CDH13: variants seen among roughly 807,000 people sequenced by gnomAD.
CDH13 encodes cadherin-13.
CDH13 carries 24 observed loss-of-function variants against 63.8 expected under a neutral mutation model. That is an observed-to-expected ratio of 0.38 (90% CI 0.27 to 0.53). CDH13 has a LOEUF of 0.53. Ranked by LOEUF, CDH13 falls within the 20% of genes least tolerant of loss-of-function variation. The pLI, the probability that CDH13 is intolerant of heterozygous loss-of-function variation, is 0.85. For synonymous variants in CDH13, 503 were observed against 355.3 expected, an observed-to-expected ratio of 1.42 and a Z score of -4.67; for missense variants, 1,049 against 903.1, an observed-to-expected ratio of 1.16 and a Z score of -2.07.
chr16:82,645,955 T>G (rs753003176), intron 1 of CDH13, among the ~76,000 whole-genome samples: 1 of 152,226 alleles, frequency 6.6e-6, no homozygotes, highest in Non-Finnish European at 1.5e-5. Context: ...GCCTAAACTT[T>G]TGGGGGTTAT....
intron 1 of CDH13, among the ~76,000 whole-genome samples, chr16:82,752,278 C>T (rs1215476094): frequency 6.6e-6 from 1 of 152,168 alleles, no homozygotes; most frequent in African/African-American, 2.4e-5. Context: ...TTTCTCCGGA[C>T]TGTTAACTTC....
intron 4 of CDH13, among the ~76,000 whole-genome samples, chr16:83,164,712 C>T (rs1247509356): frequency 7.2e-6 from 1 of 138,110 alleles, no homozygotes; most frequent in African/African-American, 3.0e-5. Context: ...AAGAGCGAGA[C>T]TCTGTCTCAA....
chr16:83,276,653 G>A (rs780166574), intron 5 of CDH13, among the ~76,000 whole-genome samples: 7 of 152,158 alleles, frequency 4.6e-5, no homozygotes, highest in South Asian at 2.1e-4. Context: ...GGAGGATCAC[G>A]AGTTCGGGAG....
intron 8 of CDH13, among the ~76,000 whole-genome samples, chr16:83,644,459 G>A (rs1019693078): frequency 6.6e-6 from 1 of 152,190 alleles, no homozygotes; most frequent in Non-Finnish European, 1.5e-5. Flanking sequence ...GTACATATAT[G>A]AAAGTCTTTG....
chr16:83,053,856 G>A (rs547662596), intron 3 of CDH13, among the ~76,000 whole-genome samples: 2 of 152,072 alleles, frequency 1.3e-5, no homozygotes, highest in African/African-American at 2.4e-5. Context: ...GACCCCGACC[G>A]GGTACCTGAA....
At chr16:83,473,562 G>T (rs1009798128) in intron 6 of CDH13, among the ~76,000 whole-genome samples, 2 of 152,106 alleles carry the variant, frequency 1.3e-5, no homozygotes, top group African/African-American at 4.8e-5. Flanking sequence ...CATCTGTCCT[G>T]CACTACAACT....
rs1038044463 is a variant in CDH13 at position 83,499,960 on chromosome 16, G to A, written c.960+13305G>A. On this transcript the variant is annotated intron_variant, in intron 7 of 13. Transcript: ENST00000567109. ...TGGGATTACAGGCGCCTGCCACCAC[G>A]CGCAGCTAATTTTTGTATTTTTAGT... 2.6e-4 allele frequency among the ~76,000 whole-genome samples: 39 copies of A among 152,064 alleles called. 1 individual carries two copies. The highest frequency in any genetic ancestry group is 8.8e-5 in the Non-Finnish European group (6 of 67,966).
chr16:82,988,778 A>C (rs1377448131), intron 2 of CDH13, among the ~76,000 whole-genome samples: 1 of 147,112 alleles, frequency 6.8e-6, no homozygotes, highest in Non-Finnish European at 1.5e-5. Context: ...AAAAAAAAAA[A>C]TGCGAGTAAT....
intron 4 of CDH13, among the ~76,000 whole-genome samples, chr16:83,210,331 CT>C (rs2039305142): frequency 6.6e-6 from 1 of 151,968 alleles, no homozygotes; most frequent in African/African-American, 2.4e-5. Context: ...TCCCAAAGTG[CT>C]GGGATTATGA....
chr16:82,904,754 C>T (rs1205073515), intron 2 of CDH13, among the ~76,000 whole-genome samples: 1 of 152,176 alleles, frequency 6.6e-6, no homozygotes, highest in Admixed American at 6.5e-5. Flanking sequence ...TCAGTATTTA[C>T]CAGAGCCAGC....
intron 2 of CDH13, among the ~76,000 whole-genome samples, chr16:82,978,914 A>G (rs565953758): frequency 6.6e-6 from 1 of 152,296 alleles, no homozygotes; most frequent in South Asian, 2.1e-4. Context: ...GAAAAGCCAC[A>G]GACACTCAAA....
At chr16:83,621,475 CTTTTTTTTTTT>C (rs72032168) in intron 8 of CDH13, among the ~76,000 whole-genome samples, 3 of 28,530 alleles carry the variant, frequency 1.1e-4, no homozygotes, top group Admixed American at 7.8e-4. Context: ...CCTCACCTGC[CTTTTTTTTTTT>C]TTTTTTTTTT....
intron 3 of CDH13, among the ~76,000 whole-genome samples, chr16:83,061,936 G>A (rs1409925442): frequency 6.6e-6 from 1 of 152,182 alleles, no homozygotes; most frequent in African/African-American, 2.4e-5. Context: ...CTCTAGAGAG[G>A]CTGTGAGAAC....
intron 1 of CDH13, among the ~76,000 whole-genome samples, chr16:82,826,886 C>T (rs1196706498): frequency 6.6e-6 from 1 of 152,080 alleles, no homozygotes; most frequent in Non-Finnish European, 1.5e-5. Context: ...GTTACAGCAG[C>T]TAGAGAAGCT....
chr16:83,315,913 T>C (rs1349968207), intron 5 of CDH13, among the ~76,000 whole-genome samples: 3 of 152,154 alleles, frequency 2.0e-5, no homozygotes, highest in Admixed American at 6.5e-5. Context: ...TTGAAACACA[T>C]TGTATTAGTT....
At chr16:82,896,760 C>G (rs1280602118) in intron 2 of CDH13, among the ~76,000 whole-genome samples, 1 of 138,610 alleles carries the variant, frequency 7.2e-6, no homozygotes, top group Non-Finnish European at 1.5e-5. Flanking sequence ...TTTTAGACTG[C>G]TGTGCAATTC....
chr16:83,148,096 C>G (rs930181481), intron 4 of CDH13, among the ~76,000 whole-genome samples: 2 of 152,146 alleles, frequency 1.3e-5, no homozygotes, highest in African/African-American at 4.8e-5. Context: ...CGCCACCACG[C>G]CTGGCTAATT....
chr16:83,346,162 G>A (rs535763788), intron 6 of CDH13, among the ~76,000 whole-genome samples: 31 of 152,298 alleles, frequency 2.0e-4, no homozygotes, highest in Admixed American at 2.6e-4. Flanking sequence ...AATGCACTGC[G>A]TGTGTGCTGG....
intron 5 of CDH13, among the ~76,000 whole-genome samples, chr16:83,265,911 C>T (rs942722835): frequency 6.6e-6 from 1 of 151,858 alleles, no homozygotes; most frequent in African/African-American, 2.4e-5. Flanking sequence ...ACTCCACCAT[C>T]AGTATCTGTA....
Sources: allele counts gnomAD v4.1 joint callset (sites outside exome capture counted in the v4.1 genomes callset), GRCh38; gene constraint gnomAD v4.1.1; transcripts MANE v1.5; gene names NCBI Gene and HGNC (gene_info 2026-07-23, HGNC 2026-07-21).